Variants in SUCLG2 observed in about 807,000 individuals in gnomAD.
SUCLG2 encodes the protein succinate--CoA ligase [GDP-forming] subunit beta, mitochondrial.
In SUCLG2, 42 loss-of-function variants were observed where a neutral mutation model predicts 47.9. The observed-to-expected ratio is 0.88, with a 90% CI of 0.69 to 1.14. SUCLG2 has a LOEUF of 1.14. SUCLG2 is among the 50% of genes most tolerant of loss of function. The pLI is 0.00. For missense variants in SUCLG2, 571 were observed against 525.9 expected (o/e 1.09, Z -0.84); for synonymous variants, 195 against 197.3 (o/e 0.99, Z 0.10).
At chr3:67,552,109 C>T (rs575547496) in intron 2 of SUCLG2, among the ~76,000 whole-genome samples, 1 of 144,482 alleles carries the variant, frequency 6.9e-6, no homozygotes, top group African/African-American at 2.6e-5. Context: ...GGGAAACTGA[C>T]TGTCAATTAA....
At chr3:67,635,706 A>G (rs778895804) in intron 1 of SUCLG2, among the ~76,000 whole-genome samples, 35 of 152,138 alleles carry the variant, frequency 2.3e-4, no homozygotes, top group Non-Finnish European at 4.6e-4. Context: ...TCAGTTCTCC[A>G]GTGCAAAAAG....
chr3:67,496,026 A>G, intron 8 of SUCLG2, 86 bp from the exon 9 acceptor site: 1 of 1,543,774 alleles, frequency 6.5e-7, no homozygotes, highest in Non-Finnish European at 8.8e-7. Context: ...CATATTGCCA[A>G]GAGAGAACTC....
chr3:67,620,584 CAAAAAAA>C (rs71109890), intron 1 of SUCLG2, among the ~76,000 whole-genome samples: 1 of 63,518 alleles, frequency 1.6e-5, no homozygotes. Flanking sequence ...GACTCCATCT[CAAAAAAA>C]AAAAAAAAAA....
chr3:67,564,918 C>G (rs939014387), intron 2 of SUCLG2, among the ~76,000 whole-genome samples: 1 of 151,708 alleles, frequency 6.6e-6, no homozygotes, highest in African/African-American at 2.4e-5. Flanking sequence ...CAATATTTTT[C>G]CTTTCTGGTG....
At chr3:67,541,911 C>A (rs1252730852) in intron 2 of SUCLG2, among the ~76,000 whole-genome samples, 4 of 151,698 alleles carry the variant, frequency 2.6e-5, no homozygotes, top group Non-Finnish European at 5.9e-5. Flanking sequence ...TCTTGTTGCC[C>A]AGGCTGGAGT....
chr3:67,508,166 G>A (rs1265584505), intron 7 of SUCLG2, among the ~76,000 whole-genome samples: 1 of 152,170 alleles, frequency 6.6e-6, no homozygotes, highest in Non-Finnish European at 1.5e-5. Flanking sequence ...CAAGTAAGGT[G>A]AAAGAGTTCA....
At chr3:67,579,285 G>T (rs972349020) in intron 2 of SUCLG2, among the ~76,000 whole-genome samples, 4 of 152,062 alleles carry the variant, frequency 2.6e-5, no homozygotes, top group African/African-American at 9.7e-5. Flanking sequence ...AAGAGTAGAA[G>T]AATTTAGAAT....
intron 9 of SUCLG2, among the ~76,000 whole-genome samples, chr3:67,448,272 G>GT (rs1703975131): frequency 6.6e-6 from 1 of 152,132 alleles, no homozygotes; most frequent in Non-Finnish European, 1.5e-5. Flanking sequence ...AGTTTCATTT[G>GT]TATTAACATA....
At chr3:67,402,223 T>C (rs1052278848) in intron 9 of SUCLG2, among the ~76,000 whole-genome samples, 1 of 152,210 alleles carries the variant, frequency 6.6e-6, no homozygotes, top group African/African-American at 2.4e-5. Flanking sequence ...AATGAGGTAA[T>C]ACATGTGAAA....
chr3:67,526,104 C>G (rs1035306847), intron 4 of SUCLG2, among the ~76,000 whole-genome samples: 4 of 152,148 alleles, frequency 2.6e-5, no homozygotes, highest in African/African-American at 4.8e-5. Flanking sequence ...TATGGCCTTT[C>G]TTGCTTCATC....
chr3:67,483,989 T>C (rs1559543055), intron 9 of SUCLG2, among the ~76,000 whole-genome samples: 1 of 152,212 alleles, frequency 6.6e-6, no homozygotes, highest in Non-Finnish European at 1.5e-5. Context: ...CTTGCACTAG[T>C]GTGGGATTGG....
intron 7 of SUCLG2, among the ~76,000 whole-genome samples, chr3:67,508,430 A>T (rs1259038184): frequency 2.6e-5 from 4 of 151,784 alleles, no homozygotes; most frequent in Non-Finnish European, 4.4e-5. Flanking sequence ...TTTATTATTT[A>T]TTATTATTAT....
chr3:67,553,676 A>T (rs540193055), intron 2 of SUCLG2, among the ~76,000 whole-genome samples: 1 of 152,198 alleles, frequency 6.6e-6, no homozygotes, highest in East Asian at 1.9e-4. Context: ...TAAGTATTAA[A>T]TTGCACCAGT....
chr3:67,538,442 T>C (rs1179856257), intron 2 of SUCLG2, among the ~76,000 whole-genome samples: 2 of 152,188 alleles, frequency 1.3e-5, no homozygotes, highest in African/African-American at 4.8e-5. Flanking sequence ...ACCAGTACCA[T>C]GCTGTTTTGG....
At chr3:67,471,344 G>C (rs939666500) in intron 9 of SUCLG2, among the ~76,000 whole-genome samples, 10 of 152,154 alleles carry the variant, frequency 6.6e-5, no homozygotes, top group African/African-American at 2.4e-4. Flanking sequence ...GCTGAGGTGA[G>C]AGCATCCAAA....
intron 1 of SUCLG2, among the ~76,000 whole-genome samples, chr3:67,628,770 G>A (rs1418137314): frequency 2.0e-5 from 3 of 152,126 alleles, no homozygotes; most frequent in African/African-American, 7.2e-5. Context: ...GGCCTCCCCA[G>A]CCATGTGGAA....
intron 3 of SUCLG2, 24 bp from the exon 4 acceptor site, chr3:67,528,246 G>T: frequency 6.3e-7 from 1 of 1,595,722 alleles, no homozygotes; most frequent in Non-Finnish European, 8.6e-7. Context: ...AAAACAAGCA[G>T]AAAATGAATG....
At chr3:67,462,800 T>A (rs1322967920) in intron 9 of SUCLG2, among the ~76,000 whole-genome samples, 1 of 152,128 alleles carries the variant, frequency 6.6e-6, no homozygotes. Context: ...GCATCGGAAG[T>A]GAGGCGTGGT....
intron 9 of SUCLG2, among the ~76,000 whole-genome samples, chr3:67,484,152 C>T (rs577431365): frequency 1.2e-4 from 19 of 152,316 alleles, no homozygotes; most frequent in Admixed American, 6.5e-4. Context: ...ATTTCCTGTA[C>T]GCATTGCCTC....
Sources: allele counts gnomAD v4.1 joint callset (sites outside exome capture counted in the v4.1 genomes callset), GRCh38; gene constraint gnomAD v4.1.1; transcripts MANE v1.5; gene names NCBI Gene and HGNC (gene_info 2026-07-23, HGNC 2026-07-21).